Variants in ACOT7 observed in about 807,000 individuals in gnomAD.
ACOT7 encodes acyl-CoA thioesterase 7, also known as cytosolic acyl coenzyme A thioester hydrolase.
Under a neutral mutation model 40.2 loss-of-function variants are expected in ACOT7, and 12 were observed. That is an observed-to-expected ratio of 0.30 (90% CI 0.19 to 0.48). The LOEUF (loss-of-function observed/expected upper bound fraction) is 0.48, where lower values mean the gene tolerates loss of function less well. Among genes scored for constraint, ACOT7 ranks in the 20% least tolerant of loss-of-function variants. ACOT7 has a pLI of 0.99. For missense variants in ACOT7, 395 were observed against 530.8 expected (o/e 0.74, Z 2.51); for synonymous variants, 228 against 219.5 (o/e 1.04, Z -0.34).
At chr1:6,360,459 G>A (rs1641864269) in intron 1 of ACOT7, 3 of 1,433,624 alleles carry the variant, frequency 2.1e-6, no homozygotes, top group Non-Finnish European at 1.9e-6. Context: ...CCAGGGCCAG[G>A]GTCTTGAAGC....
chr1:6,265,425 A>T (rs1210910097), intron 8 of ACOT7, among the ~76,000 whole-genome samples: 1 of 152,070 alleles, frequency 6.6e-6, no homozygotes, highest in South Asian at 2.1e-4. Flanking sequence ...GTTGGGAGGG[A>T]GCCCTGTCAC....
chr1:6,369,218 TG>T (rs1302780974), intron 1 of ACOT7, among the ~76,000 whole-genome samples: 1 of 151,964 alleles, frequency 6.6e-6, no homozygotes, highest in Non-Finnish European at 1.5e-5. Context: ...TGACCTCAGG[TG>T]ATCCACCCAC....
At position 6,393,482 on chromosome 1, in the gene ACOT7, G is replaced by C; in HGVS notation, c.-83C>G. On this transcript the variant is annotated 5_prime_UTR_variant, in exon 1 of 9. Coordinates refer to ENST00000361521, the MANE Select transcript of ACOT7 (RefSeq NM_007274.4). ...GGGCAATCGAACGCGGCCTCCCCGC[G>C]CCGACCCCGCCCCCGCGCCGGCCCC... is the stretch of plus-strand genomic sequence containing the variant. The C allele has an allele frequency of 8.7e-7, 1 of 1,148,536 alleles. No homozygotes were observed. 71.1% of individuals were successfully genotyped at this position (1,148,536 alleles called of 1,614,324 possible).
chr1:6,279,076 G>T (rs539556119), intron 8 of ACOT7, among the ~76,000 whole-genome samples: 3 of 152,222 alleles, frequency 2.0e-5, no homozygotes, highest in Admixed American at 1.3e-4. Flanking sequence ...CATGGGGAGA[G>T]ACCAGAGCGG....
At chr1:6,350,536 T>A (rs897880746) in intron 1 of ACOT7, among the ~76,000 whole-genome samples, 1 of 152,236 alleles carries the variant, frequency 6.6e-6, no homozygotes, top group Non-Finnish European at 1.5e-5. Flanking sequence ...CAGCCGGTAG[T>A]GTGGGAGCTC....
In ACOT7 at chr1:6,264,522, G is replaced by A; in HGVS notation, c.*75C>T. 1 of 1,432,550 alleles carries A rather than the reference G, an allele frequency of 7.0e-7. No individual in the cohort carries two copies. The highest frequency in any genetic ancestry group is 9.5e-7 in the Non-Finnish European group (1 of 1,056,166). The allele number at this position is 1,432,550 out of a possible 1,614,324, so 88.7% of individuals were successfully genotyped here. On this transcript the variant is annotated 3_prime_UTR_variant, in exon 9 of 9. Coordinates refer to ENST00000361521, the MANE Select transcript of ACOT7 (RefSeq NM_007274.4). ...ATGTGAATTGGGTTTTTGGCCAAGGGGGGAACTTCTAAGTGACTGGACACT... is the reference window on the plus strand; with the variant it reads ...ATGTGAATTGGGTTTTTGGCCAAGGAGGGAACTTCTAAGTGACTGGACACT...
intron 4 of ACOT7, among the ~76,000 whole-genome samples, chr1:6,332,033 C>T (rs1640968551): frequency 6.6e-6 from 1 of 152,188 alleles, no homozygotes; most frequent in Non-Finnish European, 1.5e-5. Flanking sequence ...CGGGAAGTGG[C>T]CTGCACCCGG....
intron 4 of ACOT7, among the ~76,000 whole-genome samples, chr1:6,328,747 G>A (rs181207500): frequency 1.3e-5 from 2 of 152,278 alleles, no homozygotes; most frequent in African/African-American, 2.4e-5. Context: ...CCTGAGTCCC[G>A]GGACACAGCA....
At chr1:6,385,558 C>A in intron 1 of ACOT7, 1 of 1,612,202 alleles carries the variant, frequency 6.2e-7, no homozygotes. Context: ...TGGACGGGAG[C>A]GCAGCACCCT....
chr1:6,393,548 G>C lies in ACOT7; in HGVS notation c.-149C>G. The C allele has an allele frequency of 3.1e-6, 2 of 647,746 alleles. No homozygotes were observed. The highest frequency in any genetic ancestry group is 4.3e-6 in the Non-Finnish European group (2 of 467,330). 40.1% of individuals were successfully genotyped at this position (647,746 alleles called of 1,614,324 possible). A position where few individuals can be genotyped will look rare whatever the true frequency, so the allele number is the denominator to read the frequency against. On this transcript the variant is annotated 5_prime_UTR_variant, in exon 1 of 9. Coordinates refer to ENST00000361521, the MANE Select transcript of ACOT7 (RefSeq NM_007274.4). ...TCCCAGGCCGCCAAGGCTGCAGAGA[G>C]CTCGCGCGGGCGTACGATTCTGGCG... is the stretch of plus-strand genomic sequence containing the variant.
intron 1 of ACOT7, among the ~76,000 whole-genome samples, chr1:6,391,279 A>G (rs1642528225): frequency 6.8e-6 from 1 of 146,564 alleles, no homozygotes; most frequent in African/African-American, 2.6e-5. Context: ...AGGGCAGATC[A>G]CAGATCACCT....
At chr1:6,382,942 G>A (rs1033672468) in intron 1 of ACOT7, among the ~76,000 whole-genome samples, 1 of 151,010 alleles carries the variant, frequency 6.6e-6, no homozygotes, top group Non-Finnish European at 1.5e-5. Flanking sequence ...GCAATGTCAC[G>A]ATCTTGGATC....
At position 6,299,854 on chromosome 1, in the gene ACOT7, C is replaced by T. The variant is rs1639919010; in HGVS notation, c.713-4874G>A. ...ACACACAGCCAGCACAGGTGTGCCA[C>T]GGAATTCCACGGCATTTCCCACAGA... On this transcript the variant is annotated intron_variant, in intron 6 of 8. Transcript: ENST00000361521. This position sits in a 1 kb window ranked among gnomAD's most constrained non-coding sequence, Gnocchi z 4.1. Among the ~76,000 whole-genome samples the T allele has an allele frequency of 1.3e-5, 2 of 152,210 alleles. No individual in the cohort carries two copies. Among genetic ancestry groups the T allele is most frequent in the South Asian group, 4.1e-4 (2 of 4,830 alleles).
At chr1:6,389,075 C>T (rs987513746) in intron 1 of ACOT7, among the ~76,000 whole-genome samples, 2 of 152,110 alleles carry the variant, frequency 1.3e-5, no homozygotes, top group East Asian at 3.9e-4. Context: ...AGGTAGAGCC[C>T]CTCTTTGTCT....
chr1:6,328,137 T>G (rs1342236743), intron 4 of ACOT7, among the ~76,000 whole-genome samples: 1 of 152,020 alleles, frequency 6.6e-6, no homozygotes, highest in Admixed American at 6.5e-5. Context: ...CACTGTCCCA[T>G]TGCTTCCTAG....
At chr1:6,328,834 C>T (rs1020540805) in intron 4 of ACOT7, among the ~76,000 whole-genome samples, 8 of 151,988 alleles carry the variant, frequency 5.3e-5, no homozygotes, top group Non-Finnish European at 8.8e-5. Context: ...GGATGCACCA[C>T]ACTCGGATGG....
rs34990815 is a variant in ACOT7, at chr1:6,275,716, CAAA to C, written c.1014+5383_1014+5385del. ...TGGGCGACAGAGTGAGGCTCCGTCT[CAAA>C]AAAAAAAAAAAAAAAAAAAAAAGAT... On this transcript the variant is annotated intron_variant, in intron 8 of 8. Transcript: ENST00000361521. This position sits in a 1 kb window ranked among gnomAD's most constrained non-coding sequence, Gnocchi z 5.6. Among the ~76,000 whole-genome samples, 2 of 55,516 alleles carry C rather than the reference CAAA, an allele frequency of 3.6e-5. No individual in the cohort carries two copies. The highest frequency in any genetic ancestry group is 6.7e-5 in the African/African-American group (1 of 14,914). 36.4% of individuals were successfully genotyped at this position (55,516 alleles called of 152,430 possible).
chr1:6,295,832 G>A (rs1639797276), intron 6 of ACOT7, among the ~76,000 whole-genome samples: 1 of 151,856 alleles, frequency 6.6e-6, no homozygotes, highest in African/African-American at 2.4e-5. Flanking sequence ...TAATGACAAT[G>A]GTCTCAAATT....
At chr1:6,295,186 C>A in intron 6 of ACOT7, 1 of 501,494 alleles carries the variant, frequency 2.0e-6, no homozygotes, top group Non-Finnish European at 3.6e-6. Flanking sequence ...AAAAAACGAC[C>A]ATGGCTGATA....
Sources: gnomAD v4.1 joint callset for allele counts (sites outside exome capture counted in the v4.1 genomes callset) on GRCh38, gnomAD v4.1.1 for gene constraint, Gnocchi (gnomAD v3.1) non-coding constraint, MANE v1.5 for transcripts, NCBI Gene and HGNC (gene_info 2026-07-23, HGNC 2026-07-21) for gene names.